The following CNBD1 variants were observed in gnomAD, a reference collection of about 807,000 sequenced individuals.
The protein encoded by CNBD1 is cyclic nucleotide binding domain containing 1.
In CNBD1, 71 loss-of-function variants were observed where a neutral mutation model predicts 54.4. That is an observed-to-expected ratio of 1.30 (90% confidence interval 1.08 to 1.59). CNBD1 has a LOEUF of 1.59. Among genes scored for constraint, CNBD1 ranks in the 40% most tolerant of loss-of-function variants. CNBD1 has a pLI of 0.00. For synonymous variants in CNBD1, 182 were observed against 170.7 expected (o/e 1.07, Z -0.51); for missense variants, 659 against 518.0 (o/e 1.27, Z -2.64).
intron 4 of CNBD1, among the ~76,000 whole-genome samples, chr8:87,184,051 C>G (rs1472000112): frequency 1.3e-5 from 2 of 152,108 alleles, no homozygotes; most frequent in Admixed American, 6.5e-5. Flanking sequence ...ACTGGGGTGG[C>G]GGGGGCCACA....
intron 9 of CNBD1, among the ~76,000 whole-genome samples, chr8:87,352,172 C>CTTCT: frequency 6.6e-6 from 1 of 152,094 alleles, no homozygotes; most frequent in Non-Finnish European, 1.5e-5. Context: ...AAACATATGT[C>CTTCT]TACACGAAGA....
At chr8:86,965,081 CTTT>C (rs907157752) in intron 4 of CNBD1, among the ~76,000 whole-genome samples, 1 of 152,160 alleles carries the variant, frequency 6.6e-6, no homozygotes, top group African/African-American at 2.4e-5. Flanking sequence ...ACATACTTTT[CTTT>C]GTCTGTGCTA....
At chr8:87,001,489 G>T (rs1808991596) in intron 4 of CNBD1, among the ~76,000 whole-genome samples, 3 of 152,176 alleles carry the variant, frequency 2.0e-5, no homozygotes, top group South Asian at 4.2e-4. Context: ...GTGTATTTGT[G>T]CTCTAATGGA....
intron 4 of CNBD1, among the ~76,000 whole-genome samples, chr8:87,073,676 CT>C: frequency 6.6e-6 from 1 of 152,268 alleles, no homozygotes; most frequent in Non-Finnish European, 1.5e-5. Flanking sequence ...CAGCCTGCTC[CT>C]TCCTCTGGAA....
At chr8:87,144,842 C>T (rs1812449731) in intron 4 of CNBD1, among the ~76,000 whole-genome samples, 1 of 145,682 alleles carries the variant, frequency 6.9e-6, no homozygotes. Context: ...AAAAAAAATA[C>T]TTGAGTGAAA....
intron 8 of CNBD1, among the ~76,000 whole-genome samples, chr8:87,333,482 G>T (rs1383208608): frequency 6.6e-6 from 1 of 152,080 alleles, no homozygotes; most frequent in Non-Finnish European, 1.5e-5. Flanking sequence ...ACCAGCTTTT[G>T]CCCATTCAGT....
chr8:86,983,606 TAGAC>T (rs753310274), intron 4 of CNBD1, among the ~76,000 whole-genome samples: 1 of 152,152 alleles, frequency 6.6e-6, no homozygotes, highest in Non-Finnish European at 1.5e-5. Flanking sequence ...AAGGTGGTCT[TAGAC>T]AGAAAGGAGG....
At chr8:87,196,974 T>C (rs373746484) in intron 4 of CNBD1, among the ~76,000 whole-genome samples, 1 of 152,264 alleles carries the variant, frequency 6.6e-6, no homozygotes, top group African/African-American at 2.4e-5. Flanking sequence ...TAAGGATAAT[T>C]TGGCCGTCAG....
intron 4 of CNBD1, among the ~76,000 whole-genome samples, chr8:86,972,347 C>A (rs528630867): frequency 2.4e-4 from 37 of 152,168 alleles, no homozygotes; most frequent in African/African-American, 8.4e-4. Context: ...TAGTGATTTA[C>A]CATATTGTGT....
At chr8:87,074,117 G>A (rs7833850) in intron 4 of CNBD1, among the ~76,000 whole-genome samples, 10,971 of 132,372 alleles carry the variant, frequency 0.083, 1,417 homozygotes, top group African/African-American at 0.3. Flanking sequence ...AAAAAAAAAA[G>A]GCAGCAGTCT....
intron 4 of CNBD1, among the ~76,000 whole-genome samples, chr8:87,112,638 A>G (rs1256652163): frequency 6.6e-6 from 1 of 152,150 alleles, no homozygotes; most frequent in African/African-American, 2.4e-5. Flanking sequence ...TATCTTTCAA[A>G]CACCAATGAT....
At chr8:87,199,175 G>C (rs1018324298) in intron 4 of CNBD1, among the ~76,000 whole-genome samples, 1 of 152,196 alleles carries the variant, frequency 6.6e-6, no homozygotes, top group African/African-American at 2.4e-5. Context: ...GATTTGGGCA[G>C]GGACAAATAT....
At chr8:87,032,827 T>C (rs1282923724) in intron 4 of CNBD1, among the ~76,000 whole-genome samples, 3 of 152,320 alleles carry the variant, frequency 2.0e-5, no homozygotes, top group Admixed American at 1.3e-4. Flanking sequence ...TGTTAATTTG[T>C]TTTCTGGCAC....
chr8:87,237,294 G>C (rs1022385061), intron 6 of CNBD1, 182 bp downstream of exon 6: 2 of 414,204 alleles, frequency 4.8e-6, no homozygotes, highest in African/African-American at 2.0e-5. Flanking sequence ...TTTGATAAAG[G>C]ATGCCTTCAA....
chr8:86,887,106 G>A (rs532720253), intron 1 of CNBD1, among the ~76,000 whole-genome samples: 5 of 152,168 alleles, frequency 3.3e-5, no homozygotes, highest in African/African-American at 9.7e-5. Context: ...GCGTAGGATT[G>A]AATAGGCCGA....
At chr8:87,341,723 C>T (rs75891337) in intron 8 of CNBD1, among the ~76,000 whole-genome samples, 2 of 152,182 alleles carry the variant, frequency 1.3e-5, no homozygotes, top group African/African-American at 2.4e-5. Context: ...TGTTTCCTGT[C>T]CTCTGGAGGA....
chr8:86,969,066 T>A (rs1166139887), intron 4 of CNBD1, among the ~76,000 whole-genome samples: 2 of 152,210 alleles, frequency 1.3e-5, no homozygotes, highest in Non-Finnish European at 2.9e-5. Flanking sequence ...GACAGTTTTG[T>A]GTGATCCAGT....
chr8:87,176,906 TA>T (rs1249787468), intron 4 of CNBD1, among the ~76,000 whole-genome samples: 1 of 152,188 alleles, frequency 6.6e-6, no homozygotes, highest in African/African-American at 2.4e-5. Flanking sequence ...TAGAATACTT[TA>T]AAAATACATT....
chr8:87,371,126 T>C (rs1326926207), intron 10 of CNBD1, among the ~76,000 whole-genome samples: 3 of 151,798 alleles, frequency 2.0e-5, no homozygotes, highest in South Asian at 2.1e-4. Context: ...TTTTGGTTAC[T>C]GTAGCCTTGT....
Sources: gnomAD v4.1 joint callset for allele counts (sites outside exome capture counted in the v4.1 genomes callset) on GRCh38, gnomAD v4.1.1 for gene constraint, MANE v1.5 for transcripts, NCBI Gene and HGNC (gene_info 2026-07-23, HGNC 2026-07-21) for gene names.